Variants in NDUFS4 observed in about 807,000 individuals in gnomAD.
The protein encoded by NDUFS4 is NADH dehydrogenase [ubiquinone] iron-sulfur protein 4, mitochondrial.
In NDUFS4, 28 loss-of-function variants were observed where a neutral mutation model predicts 24.3. The ratio of observed to expected loss-of-function variants is 1.15; its 90% CI spans 0.85 to 1.58. NDUFS4 has a LOEUF of 1.58. Ranked by LOEUF, NDUFS4 falls within the 40% of genes most tolerant of loss-of-function variation. NDUFS4 has a pLI of 0.00. For synonymous variants in NDUFS4, 93 were observed against 69.7 expected (o/e 1.34, Z -1.67); for missense variants, 223 against 207.9 (o/e 1.07, Z -0.45).
At chr5:53,582,257 A>T (rs931455979) in intron 1 of NDUFS4, among the ~76,000 whole-genome samples, 8 of 150,560 alleles carry the variant, frequency 5.3e-5, no homozygotes, top group Non-Finnish European at 8.9e-5. Context: ...AAATTAAAAT[A>T]AAAATAAATA....
At chr5:53,650,808 T>G (rs1006493591) in intron 3 of NDUFS4, among the ~76,000 whole-genome samples, 4 of 152,244 alleles carry the variant, frequency 2.6e-5, no homozygotes, top group Admixed American at 2.6e-4. Flanking sequence ...AATACAGTTT[T>G]ACTTTGCTGT....
chr5:53,592,022 T>C (rs1749981324), intron 1 of NDUFS4, among the ~76,000 whole-genome samples: 1 of 152,020 alleles, frequency 6.6e-6, no homozygotes, highest in South Asian at 2.1e-4. Flanking sequence ...CACTGTAACC[T>C]CTGCCTCCCA....
chr5:53,669,890 G>A (rs1752616966), intron 4 of NDUFS4, among the ~76,000 whole-genome samples: 2 of 151,372 alleles, frequency 1.3e-5, no homozygotes, highest in African/African-American at 4.9e-5. Context: ...ACCTTAATTT[G>A]GTGACTTGTT....
At chr5:53,637,188 G>A (rs959617729) in intron 2 of NDUFS4, among the ~76,000 whole-genome samples, 2 of 148,356 alleles carry the variant, frequency 1.3e-5, no homozygotes, top group African/African-American at 5.1e-5. Context: ...GTAGAGATGA[G>A]GTGAATTCCT....
intron 2 of NDUFS4, among the ~76,000 whole-genome samples, chr5:53,617,542 G>T (rs1750879241): frequency 6.6e-6 from 1 of 151,782 alleles, no homozygotes; most frequent in South Asian, 2.1e-4. Flanking sequence ...TCTACCGCCC[G>T]TTTTCTTCTT....
At chr5:53,662,279 GT>G (rs1752366746) in intron 4 of NDUFS4, among the ~76,000 whole-genome samples, 1 of 152,162 alleles carries the variant, frequency 6.6e-6, no homozygotes, top group African/African-American at 2.4e-5. Context: ...CTTTGGTTCT[GT>G]TTATATGCTG....
chr5:53,569,412 G>A (rs530138149), intron 1 of NDUFS4, among the ~76,000 whole-genome samples: 2 of 152,102 alleles, frequency 1.3e-5, no homozygotes, highest in Admixed American at 6.6e-5. Flanking sequence ...GGCAGGCAAG[G>A]TTACCTTTTT....
rs372042747 is a variant in NDUFS4, at chr5:53,623,121, T to G, written c.177+19591T>G. Among the ~76,000 whole-genome samples the G allele has an allele frequency of 7.2e-5, 11 of 152,332 alleles. No individual in the cohort carries two copies. In the East Asian group the frequency reaches 2.1e-3, roughly 29 times the overall value. On this transcript the variant is annotated intron_variant, in intron 2 of 4. Coordinates refer to ENST00000296684, the MANE Select transcript of NDUFS4 (RefSeq NM_002495.4). ...TGTTCAAATCTCTGCTTTCAAGTTT[T>G]TAGGAAGATGCCCCAAAGTAGAATT... is the stretch of plus-strand genomic sequence containing the variant.
At chr5:53,624,577 A>T (rs1474601690) in intron 2 of NDUFS4, among the ~76,000 whole-genome samples, 1 of 152,130 alleles carries the variant, frequency 6.6e-6, no homozygotes, top group African/African-American at 2.4e-5. Context: ...TAAGTATTAC[A>T]TTCTTTTCTA....
At chr5:53,632,734 A>G (rs1232763832) in intron 2 of NDUFS4, among the ~76,000 whole-genome samples, 1 of 152,104 alleles carries the variant, frequency 6.6e-6, no homozygotes, top group East Asian at 1.9e-4. Flanking sequence ...GCTTTCTGTT[A>G]TCAGGTTGTC....
chr5:53,597,440 AG>A (rs1262264433), intron 1 of NDUFS4, among the ~76,000 whole-genome samples: 1 of 152,184 alleles, frequency 6.6e-6, no homozygotes. Context: ...TTGGAGTCAC[AG>A]TTTCAAACTG....
chr5:53,586,931 C>G (rs1482655990), intron 1 of NDUFS4, among the ~76,000 whole-genome samples: 5 of 152,030 alleles, frequency 3.3e-5, no homozygotes. Flanking sequence ...TCAAATGATT[C>G]TTCTGCTTCA....
chr5:53,638,894 A>AAAACTATGTAAATGAATTCATTCAGTCTC (rs1751630635), intron 2 of NDUFS4, among the ~76,000 whole-genome samples: 2 of 152,050 alleles, frequency 1.3e-5, no homozygotes, highest in African/African-American at 4.8e-5. Flanking sequence ...TAATGTTAAT[A>AAAACTATGTAAATGAATTCATTCAGTCTC]AAACTATGTA....
intron 4 of NDUFS4, among the ~76,000 whole-genome samples, chr5:53,667,965 C>T (rs2111563879): frequency 6.6e-6 from 1 of 152,252 alleles, no homozygotes; most frequent in South Asian, 2.1e-4. Flanking sequence ...TACTCATATG[C>T]TGTATAGGGG....
chr5:53,640,147 A>G (rs1313304674), intron 2 of NDUFS4, among the ~76,000 whole-genome samples: 1 of 151,930 alleles, frequency 6.6e-6, no homozygotes, highest in Admixed American at 6.6e-5. Context: ...CCTTGAGAGT[A>G]GGGGTACTTA....
chr5:53,588,109 G>A (rs1035996041), intron 1 of NDUFS4, among the ~76,000 whole-genome samples: 5 of 152,150 alleles, frequency 3.3e-5, no homozygotes, highest in Admixed American at 3.3e-4. Context: ...CCATGGTAAA[G>A]CGAGTCACAC....
intron 2 of NDUFS4, among the ~76,000 whole-genome samples, chr5:53,613,337 A>T (rs538684269): frequency 6.6e-6 from 1 of 152,192 alleles, no homozygotes; most frequent in East Asian, 1.9e-4. Context: ...AAGGGTAGAC[A>T]GGAGTTTTTT....
At chr5:53,642,638 A>G (rs1020127062) in intron 2 of NDUFS4, among the ~76,000 whole-genome samples, 1 of 152,168 alleles carries the variant, frequency 6.6e-6, no homozygotes, top group Non-Finnish European at 1.5e-5. Flanking sequence ...CACAGAAGAT[A>G]AATGGAGACA....
At chr5:53,600,291 G>A (rs1006763549) in intron 1 of NDUFS4, among the ~76,000 whole-genome samples, 10 of 150,372 alleles carry the variant, frequency 6.7e-5, no homozygotes, top group East Asian at 6.0e-4. Context: ...GAGCCGGCCC[G>A]CCCGGCCTAT....
Sources: allele counts gnomAD v4.1 joint callset (sites outside exome capture counted in the v4.1 genomes callset), GRCh38; gene constraint gnomAD v4.1.1; transcripts MANE v1.5; gene names NCBI Gene and HGNC (gene_info 2026-07-23, HGNC 2026-07-21).